TEX9: variants seen among roughly 807,000 people sequenced by gnomAD.
TEX9 encodes the protein testis expressed 9.
A neutral mutation model predicts 59.6 loss-of-function variants in TEX9; 74 were observed. The ratio of observed to expected loss-of-function variants is 1.24; its 90% CI spans 1.03 to 1.51. The LOEUF is 1.51. TEX9 is among the 40% of genes most tolerant of loss of function. TEX9 has a pLI of 0.00. For missense variants in TEX9, 522 were observed against 447.8 expected, an observed-to-expected ratio of 1.17 and a Z score of -1.49; for synonymous variants, 186 against 152.2, an observed-to-expected ratio of 1.22 and a Z score of -1.64.
chr15:56,447,755 G>A (rs1305283898), downstream of TEX9: 3 of 152,090 alleles, frequency 2.0e-5, no homozygotes, highest in Non-Finnish European at 4.4e-5. Flanking sequence ...CCACAATCAA[G>A]ATCATGAACA....
At chr15:56,455,738 G>A in the TEX9 span, among the ~76,000 whole-genome samples, 1 of 152,050 alleles carries the variant, frequency 6.6e-6, no homozygotes, top group Non-Finnish European at 1.5e-5. Flanking sequence ...AGTATTATAC[G>A]GAAGTATGGG....
chr15:56,248,313 G>A (rs1169293694), intron 1 of TEX9, among the ~76,000 whole-genome samples: 1 of 152,216 alleles, frequency 6.6e-6, no homozygotes, highest in Non-Finnish European at 1.5e-5. Flanking sequence ...GAATTCTTCT[G>A]TTAGAGCACA....
Position 56,368,599 on chromosome 15 carries a change from G to A in TEX9, c.119+2929G>A, listed in dbSNP as rs562556738. ...ATGCATTTAGCTTCTTTAATGATTA[G>A]ATGTACTATTTCTAGAATAGTTTTT... On this transcript the variant is annotated intron_variant, in intron 2 of 12. Coordinates refer to ENST00000352903, the Ensembl canonical transcript of TEX9. 5.3e-5 allele frequency among the ~76,000 whole-genome samples: 8 copies of A among 152,152 alleles called. No homozygotes were observed. In the South Asian group the frequency reaches 1.0e-3, roughly 20 times the overall value.
chr15:56,395,007 CT>C, intron 9 of TEX9, 173 bp downstream of exon 9: 1 of 658,270 alleles, frequency 1.5e-6, no homozygotes, highest in East Asian at 2.8e-5. Context: ...GTAATTCACC[CT>C]TTTAAAGTAT....
chr15:56,249,156 A>G (rs576141148), intron 1 of TEX9: 1 of 152,160 alleles, frequency 6.6e-6, no homozygotes, highest in Non-Finnish European at 1.5e-5. Flanking sequence ...TAATTTATTG[A>G]GCTATTTATT....
intron 1 of TEX9, among the ~76,000 whole-genome samples, chr15:56,295,011 A>G (rs1266693830): frequency 6.6e-6 from 1 of 152,256 alleles, no homozygotes; most frequent in Non-Finnish European, 1.5e-5. Context: ...TCATATATAT[A>G]TATGTTAAAG....
the TEX9 span, chr15:56,456,314 T>C: frequency 7.5e-7 from 1 of 1,330,608 alleles, no homozygotes; most frequent in Non-Finnish European, 1.0e-6. Flanking sequence ...AACAAAGAAA[T>C]TTCACTTTCA....
chr15:56,460,009 A>AAAAAAAAAAAATATATAT, the TEX9 span, among the ~76,000 whole-genome samples: 41 of 26,382 alleles, frequency 1.6e-3, 5 homozygotes, highest in East Asian at 6.8e-3. Flanking sequence ...AAAAAAAAAA[A>AAAAAAAAAAAATATATAT]ATACATATAT....
intron 10 of TEX9, among the ~76,000 whole-genome samples, chr15:56,413,758 C>T (rs528792893): frequency 1.6e-4 from 24 of 151,722 alleles, no homozygotes; most frequent in African/African-American, 5.3e-4. Flanking sequence ...AATTAGGAAC[C>T]ACCTTCATTA....
rs1223681311 is a variant in TEX9, at chr15:56,427,234, TCTA to T, written c.964-368_964-366del. On this transcript the variant is annotated intron_variant, in intron 10 of 12. Coordinates refer to ENST00000352903, the Ensembl canonical transcript of TEX9. ...TTCAAGGATCATATCGCTTCCAGTTTCTACTTATTATTGATTACTCATCTACAC... is the reference window on the plus strand; with the variant it reads ...TTCAAGGATCATATCGCTTCCAGTTTCTTATTATTGATTACTCATCTACAC... Among the ~76,000 whole-genome samples, 8 of 151,642 alleles carry T rather than the reference TCTA, an allele frequency of 5.3e-5. 1 individual carries two copies. In the South Asian group the frequency reaches 1.5e-3, roughly 28 times the overall value.
chr15:56,368,826 T>G (rs182052535), intron 2 of TEX9, among the ~76,000 whole-genome samples: 52 of 152,262 alleles, frequency 3.4e-4, no homozygotes, highest in African/African-American at 1.1e-3. Flanking sequence ...CTGGGAGATT[T>G]ATCTGTTTTA....
intron 1 of TEX9, among the ~76,000 whole-genome samples, chr15:56,250,016 C>T (rs1244650175): frequency 6.6e-6 from 1 of 152,088 alleles, no homozygotes; most frequent in African/African-American, 2.4e-5. Context: ...CAACATAAGT[C>T]TTTCAAACCC....
chr15:56,316,803 C>G (rs1444212987), intron 1 of TEX9, among the ~76,000 whole-genome samples: 5 of 152,238 alleles, frequency 3.3e-5, no homozygotes, highest in African/African-American at 9.6e-5. Context: ...ATCAGCGAGA[C>G]TCCGTGAGCG....
At chr15:56,320,941 A>C (rs541959532) in intron 1 of TEX9, among the ~76,000 whole-genome samples, 1 of 152,304 alleles carries the variant, frequency 6.6e-6, no homozygotes, top group East Asian at 1.9e-4. Context: ...ACTAATATGC[A>C]TGAGACAAAG....
At chr15:56,282,053 A>G (rs1388224870) in intron 1 of TEX9, among the ~76,000 whole-genome samples, 1 of 152,226 alleles carries the variant, frequency 6.6e-6, no homozygotes, top group Non-Finnish European at 1.5e-5. Flanking sequence ...AAAAGATTTT[A>G]GTAATCCTTC....
At chr15:56,257,342 G>A (rs533379287) in intron 1 of TEX9, among the ~76,000 whole-genome samples, 32 of 152,204 alleles carry the variant, frequency 2.1e-4, no homozygotes, top group African/African-American at 7.7e-4. Context: ...TGTTATTTCT[G>A]TCTCTAAGTC....
chr15:56,385,482 G>A (rs1352156108), intron 4 of TEX9, among the ~76,000 whole-genome samples: 1 of 152,072 alleles, frequency 6.6e-6, no homozygotes, highest in African/African-American at 2.4e-5. Flanking sequence ...TGGGTAAAAT[G>A]GCCCATGGCA....
At chr15:56,332,978 C>G (rs191810597) in intron 1 of TEX9, among the ~76,000 whole-genome samples, 21 of 152,170 alleles carry the variant, frequency 1.4e-4, no homozygotes, top group South Asian at 4.1e-4. Context: ...ATGAAGAAAT[C>G]CAAAACTTAA....
intron 1 of TEX9, among the ~76,000 whole-genome samples, chr15:56,349,026 C>G (rs1386310807): frequency 6.6e-6 from 1 of 152,016 alleles, no homozygotes; most frequent in East Asian, 1.9e-4. Flanking sequence ...TTTGGCCCAT[C>G]AAGTGAATTT....
Sources: gnomAD v4.1 joint callset for allele counts (sites outside exome capture counted in the v4.1 genomes callset) on GRCh38, gnomAD v4.1.1 for gene constraint, MANE v1.5 for transcripts, NCBI Gene and HGNC (gene_info 2026-07-23, HGNC 2026-07-21) for gene names.